The following EGFLAM variants were observed in gnomAD, a reference collection of about 807,000 sequenced individuals.
EGFLAM encodes the protein EGF like, fibronectin type III and laminin G domains, also known as pikachurin.
EGFLAM carries 79 observed loss-of-function variants against 113.1 expected under a neutral mutation model. The ratio of observed to expected loss-of-function variants is 0.70; its 90% CI spans 0.58 to 0.84. The LOEUF (loss-of-function observed/expected upper bound fraction) is 0.84. Among genes scored for constraint, EGFLAM ranks in the 40% least tolerant of loss-of-function variants. EGFLAM has a pLI of 0.00. For synonymous variants in EGFLAM, 504 were observed against 487.6 expected, an observed-to-expected ratio of 1.03 and a Z score of -0.44; for missense variants, 1,265 against 1,291.6, an observed-to-expected ratio of 0.98 and a Z score of 0.32.
At chr5:38,318,619 TG>T (rs1489808099) in intron 1 of EGFLAM, among the ~76,000 whole-genome samples, 1 of 152,034 alleles carries the variant, frequency 6.6e-6, no homozygotes, top group Non-Finnish European at 1.5e-5. Flanking sequence ...GCGATTCACC[TG>T]CCTCAGCCTC....
At chr5:38,295,234 C>T (rs367821701) in intron 1 of EGFLAM, among the ~76,000 whole-genome samples, 25 of 152,274 alleles carry the variant, frequency 1.6e-4, no homozygotes, top group African/African-American at 6.0e-4. Context: ...ACAGCTAGAT[C>T]CTGCTAACCG....
intron 8 of EGFLAM, among the ~76,000 whole-genome samples, chr5:38,407,431 A>G (rs1474217643): frequency 6.6e-6 from 1 of 152,208 alleles, no homozygotes; most frequent in Admixed American, 6.5e-5. Context: ...TTTTACTATA[A>G]TCACATCTCT....
intron 1 of EGFLAM, among the ~76,000 whole-genome samples, chr5:38,332,266 T>A (rs1001542025): frequency 6.6e-6 from 1 of 152,226 alleles, no homozygotes; most frequent in South Asian, 2.1e-4. Flanking sequence ...TCCATCTTTC[T>A]TTTTTGGTTT....
chr5:38,342,900 A>G (rs1189732794), intron 3 of EGFLAM, among the ~76,000 whole-genome samples: 1 of 152,190 alleles, frequency 6.6e-6, no homozygotes, highest in Non-Finnish European at 1.5e-5. Flanking sequence ...ACAGAAATAG[A>G]GTTCATGTGT....
intron 5 of EGFLAM, among the ~76,000 whole-genome samples, chr5:38,356,583 T>C (rs529650779): frequency 6.6e-6 from 1 of 152,214 alleles, no homozygotes; most frequent in Non-Finnish European, 1.5e-5. Context: ...AATCCCCATG[T>C]CCTTTCATGT....
chr5:38,369,801 A>G (rs1211682488), intron 5 of EGFLAM, among the ~76,000 whole-genome samples: 2 of 152,240 alleles, frequency 1.3e-5, no homozygotes, highest in African/African-American at 4.8e-5. Context: ...CTGTATAATT[A>G]AGACTAAGAA....
intron 5 of EGFLAM, among the ~76,000 whole-genome samples, chr5:38,364,623 G>A (rs1409762736): frequency 6.6e-6 from 1 of 152,148 alleles, no homozygotes; most frequent in Admixed American, 6.5e-5. Flanking sequence ...AAAGAGACTG[G>A]TAGCATTCCC....
At chr5:38,448,561 AC>A in intron 18 of EGFLAM, 182 bp downstream of exon 18, 1 of 633,386 alleles carries the variant, frequency 1.6e-6, no homozygotes, top group South Asian at 2.1e-5. Flanking sequence ...GCAAAATAAA[AC>A]AAAAAACAAA....
intron 17 of EGFLAM, among the ~76,000 whole-genome samples, chr5:38,442,552 A>G (rs1436166197): frequency 2.0e-5 from 3 of 152,044 alleles, no homozygotes; most frequent in Non-Finnish European, 4.4e-5. Flanking sequence ...AAAAATTTCA[A>G]TTGCGTTTAT....
In EGFLAM at chr5:38,300,517, A is replaced by G. The variant is rs139828929; in HGVS notation, c.98-37003A>G. Among the ~76,000 whole-genome samples, 730 of 152,236 alleles carry G rather than the reference A, an allele frequency of 4.8e-3. 9 individuals carry two copies. Among genetic ancestry groups the G allele is most frequent in the African/African-American group, 0.017 (700 of 41,522 alleles). ...CAGCCTCCTGAGCAGCTGGGACTAC[A>G]GGCACATGCCACCATGCCCAACTAA... On this transcript the variant is annotated intron_variant, in intron 1 of 21. Coordinates refer to ENST00000322350, the MANE Select transcript of EGFLAM (RefSeq NM_152403.4).
At chr5:38,341,592 A>G (rs1026591023) in intron 3 of EGFLAM, among the ~76,000 whole-genome samples, 1 of 152,256 alleles carries the variant, frequency 6.6e-6, no homozygotes, top group Non-Finnish European at 1.5e-5. Flanking sequence ...AATAAATGGA[A>G]CAGTTAGACA....
intron 17 of EGFLAM, among the ~76,000 whole-genome samples, chr5:38,440,088 T>G (rs2112231537): frequency 6.6e-6 from 1 of 152,312 alleles, no homozygotes; most frequent in African/African-American, 2.4e-5. Flanking sequence ...GAAGCAAATC[T>G]TACCAGAATG....
chr5:38,437,698 T>C (rs1469353901), intron 16 of EGFLAM, among the ~76,000 whole-genome samples: 1 of 152,138 alleles, frequency 6.6e-6, no homozygotes, highest in Non-Finnish European at 1.5e-5. Flanking sequence ...AACTTTGTAG[T>C]TCTTGGGACT....
chr5:38,292,347 T>A (rs1307509306), intron 1 of EGFLAM, among the ~76,000 whole-genome samples: 1 of 152,252 alleles, frequency 6.6e-6, no homozygotes, highest in Non-Finnish European at 1.5e-5. Flanking sequence ...AGAGTTTGTT[T>A]GAGGAATGGC....
intron 19 of EGFLAM, among the ~76,000 whole-genome samples, chr5:38,457,086 A>T (rs1743111483): frequency 5.3e-5 from 8 of 152,234 alleles, no homozygotes; most frequent in Admixed American, 5.2e-4. Flanking sequence ...AATAGAAAAT[A>T]GGAAGCCACT....
At chr5:38,453,204 C>T (rs560288540) in intron 19 of EGFLAM, among the ~76,000 whole-genome samples, 1 of 152,300 alleles carries the variant, frequency 6.6e-6, no homozygotes, top group East Asian at 1.9e-4. Flanking sequence ...ACCCTCAAAG[C>T]TTTGAGTTCC....
intron 1 of EGFLAM, among the ~76,000 whole-genome samples, chr5:38,282,759 T>G (rs183216432): frequency 1.9e-4 from 29 of 152,334 alleles, no homozygotes; most frequent in African/African-American, 7.0e-4. Flanking sequence ...GTATATATCA[T>G]GGGAAGAAGG....
chr5:38,273,601 T>G (rs761288043), intron 1 of EGFLAM, among the ~76,000 whole-genome samples: 102 of 152,362 alleles, frequency 6.7e-4, no homozygotes, highest in Non-Finnish European at 1.2e-3. Flanking sequence ...AGTTTGGCAC[T>G]GTGCTGGCTG....
At chr5:38,431,449 C>T (rs576192291) in intron 15 of EGFLAM, among the ~76,000 whole-genome samples, 161 bp downstream of exon 15, 2 of 152,326 alleles carry the variant, frequency 1.3e-5, no homozygotes, top group South Asian at 4.1e-4. Flanking sequence ...CTTAACTTTT[C>T]TATTGCTTAG....
Sources: allele counts gnomAD v4.1 joint callset (sites outside exome capture counted in the v4.1 genomes callset), GRCh38; gene constraint gnomAD v4.1.1; transcripts MANE v1.5; gene names NCBI Gene and HGNC (gene_info 2026-07-23, HGNC 2026-07-21).